The following DAB2IP variants were observed in gnomAD, a reference collection of about 807,000 sequenced individuals.
DAB2IP encodes DAB2 interacting protein, also known as disabled homolog 2-interacting protein.
Under a neutral mutation model 107.2 loss-of-function variants are expected in DAB2IP, and 28 were observed. That is an observed-to-expected ratio of 0.26 (90% CI 0.19 to 0.36). DAB2IP has a LOEUF of 0.36. DAB2IP is among the 10% of genes least tolerant of loss of function. The pLI is 1.00. For missense variants in DAB2IP, 1,400 were observed against 1,644.7 expected, an observed-to-expected ratio of 0.85 and a Z score of 2.57; for synonymous variants, 755 against 706.4, an observed-to-expected ratio of 1.07 and a Z score of -1.09.
intron 1 of DAB2IP, among the ~76,000 whole-genome samples, chr9:121,579,867 G>T (rs967940237): frequency 2.6e-5 from 4 of 152,198 alleles, no homozygotes; most frequent in African/African-American, 9.6e-5. Context: ...ACACAGTGGG[G>T]TATTAAGGAG....
At chr9:121,781,506 G>C in exon 15 of DAB2IP, 6 of 1,614,116 alleles carry the variant, frequency 3.7e-6, no homozygotes, top group Non-Finnish European at 5.1e-6. Flanking sequence ...ACCACGCAGA[G>C]ATGCAAGCGG....
rs1306261279 is a variant in DAB2IP, at chr9:121,699,381, G to A, written c.285G>A (p.Lys95=). 1.4e-6 allele frequency: 2 copies of A among 1,479,026 alleles called. No homozygotes were observed. The highest frequency in any genetic ancestry group is 4.1e-5 in the Admixed American group (2 of 48,806). 91.6% of individuals were successfully genotyped at this position (1,479,026 alleles called of 1,614,324 possible). ...TCAAGCGCACCAAGAGCCAGCCCAA[G>A]CTGGACCGCAACCACAGCTTCCGCC... Residue 95 remains lysine (K), a synonymous_variant, in exon 3 of 16, where the codon AAG becomes AAA. Coordinates refer to ENST00000408936, the Ensembl canonical transcript of DAB2IP. The surrounding 1 kb of genome is among the most constrained non-coding windows in gnomAD (Gnocchi z 6.2).
chr9:121,701,766 G>T lies in DAB2IP; in HGVS notation c.362+2308G>T, dbSNP rs1439858276. On this transcript the variant is annotated intron_variant, in intron 3 of 15. Transcript: ENST00000408936. This position sits in a 1 kb window ranked among gnomAD's most constrained non-coding sequence, Gnocchi z 4.7. Reference sequence around the variant, plus strand: ...AAAAACAACTATGGTGACCCCGCCCGCCCCCCAGCTCATGGCCAAACCTGG... The same window carrying T: ...AAAAACAACTATGGTGACCCCGCCCTCCCCCCAGCTCATGGCCAAACCTGG... 6.6e-6 allele frequency among the ~76,000 whole-genome samples: 1 copy of T among 152,106 alleles called. No individual in the cohort carries two copies. The highest frequency in any genetic ancestry group is 2.4e-5 in the African/African-American group (1 of 41,414).
intron 1 of DAB2IP, among the ~76,000 whole-genome samples, chr9:121,614,430 T>C (rs1831202170): frequency 7.0e-6 from 1 of 142,038 alleles, no homozygotes; most frequent in Admixed American, 7.8e-5. Context: ...AACCTCTGCC[T>C]CCTAGGTTCA....
intron 1 of DAB2IP, among the ~76,000 whole-genome samples, chr9:121,571,677 G>C (rs900413369): frequency 2.0e-5 from 3 of 152,020 alleles, no homozygotes; most frequent in South Asian, 2.1e-4. Flanking sequence ...AGGCTGAAAG[G>C]GTTCAGCCAT....
intron 3 of DAB2IP, among the ~76,000 whole-genome samples, chr9:121,753,386 C>T (rs1466131043): frequency 1.3e-5 from 2 of 152,232 alleles, no homozygotes; most frequent in Non-Finnish European, 2.9e-5. Flanking sequence ...GAGCTAGGCA[C>T]AGGGTCGGGA....
exon 9 of DAB2IP, chr9:121,766,572 T>C (rs909475619): frequency 1.2e-6 from 2 of 1,613,668 alleles, no homozygotes; most frequent in Non-Finnish European, 1.7e-6. Flanking sequence ...CGGACATCAG[T>C]GAGCGGCTCA....
intron 1 of DAB2IP, among the ~76,000 whole-genome samples, chr9:121,580,307 C>T (rs1462568491): frequency 3.9e-5 from 6 of 152,170 alleles, no homozygotes; most frequent in Non-Finnish European, 8.8e-5. Context: ...AACAGGCACT[C>T]AAGGCTACAG....
chr9:121,590,939 G>A lies in DAB2IP; in HGVS notation c.40+23711G>A, dbSNP rs192970837. 5.5e-4 allele frequency among the ~76,000 whole-genome samples: 84 copies of A among 152,322 alleles called. 3 individuals are homozygous for A. Among genetic ancestry groups the A allele is most frequent in the Admixed American group, 4.5e-3 (69 of 15,304 alleles). On this transcript the variant is annotated intron_variant, in intron 1 of 16. Transcript: ENST00000259371. Reference sequence around the variant, plus strand: ...CACCAACTGCAACGGACACCATAAAGGAAAGTGACTTGAGCCATGGGTGTG... The same window carrying A: ...CACCAACTGCAACGGACACCATAAAAGAAAGTGACTTGAGCCATGGGTGTG...
chr9:121,784,449 C>T (rs985753943), exon 16 of DAB2IP: 23 of 153,122 alleles, frequency 1.5e-4, no homozygotes, highest in Middle Eastern at 5.1e-3. Flanking sequence ...CCTGGACAGG[C>T]GGGCTCGGAG....
chr9:121,677,536 C>T (rs1342318305), intron 1 of DAB2IP, among the ~76,000 whole-genome samples: 2 of 152,090 alleles, frequency 1.3e-5, no homozygotes, highest in Non-Finnish European at 2.9e-5. Context: ...AAACAGAAAA[C>T]TTGAGAAGTC....
At chr9:121,677,271 C>T (rs1190185042) in intron 1 of DAB2IP, among the ~76,000 whole-genome samples, 2 of 152,184 alleles carry the variant, frequency 1.3e-5, no homozygotes, top group Non-Finnish European at 2.9e-5. Flanking sequence ...GTAATCCCAG[C>T]ACTTTGGGAG....
At chr9:121,766,447 G>A (rs769109349) in intron 8 of DAB2IP, 47 bp from the exon 9 acceptor site, 26 of 1,559,656 alleles carry the variant, frequency 1.7e-5, no homozygotes, top group Non-Finnish European at 2.3e-5. Flanking sequence ...CTCCTGTCCT[G>A]GGCCCCTGCC....
At chr9:121,703,552 C>T (rs1829894518) in intron 3 of DAB2IP, among the ~76,000 whole-genome samples, 1 of 152,178 alleles carries the variant, frequency 6.6e-6, no homozygotes, top group Non-Finnish European at 1.5e-5. Flanking sequence ...TGCTCATCTG[C>T]AGAATGGGCA....
chr9:121,595,611 A>G (rs1830514556), intron 1 of DAB2IP, among the ~76,000 whole-genome samples: 1 of 151,682 alleles, frequency 6.6e-6, no homozygotes, highest in Non-Finnish European at 1.5e-5. Context: ...TCAAAAAAAA[A>G]AAAAGAAAAG....
chr9:121,773,055 C>T (rs1322675852), exon 12 of DAB2IP: 2 of 1,612,566 alleles, frequency 1.2e-6, no homozygotes, highest in South Asian at 2.2e-5. Flanking sequence ...GCCGCTGTCA[C>T]CCCGTGGCCT....
intron 3 of DAB2IP, among the ~76,000 whole-genome samples, chr9:121,722,776 G>A (rs1217844136): frequency 1.3e-5 from 2 of 152,150 alleles, no homozygotes; most frequent in East Asian, 1.9e-4. Flanking sequence ...AGGAGTTTGA[G>A]TCTAGCCTGG....
At chr9:121,725,279 C>T (rs570870709) in intron 3 of DAB2IP, among the ~76,000 whole-genome samples, 1 of 152,312 alleles carries the variant, frequency 6.6e-6, no homozygotes, top group Non-Finnish European at 1.5e-5. Context: ...TCGACACAGC[C>T]ATTGTCAGGC....
At chr9:121,741,276 T>A (rs1281936810) in intron 3 of DAB2IP, among the ~76,000 whole-genome samples, 1 of 151,858 alleles carries the variant, frequency 6.6e-6, no homozygotes, top group African/African-American at 2.4e-5. Flanking sequence ...GCGTGTAGGG[T>A]GGCCCTATGG....
Sources: gnomAD v4.1 joint callset for allele counts (sites outside exome capture counted in the v4.1 genomes callset) on GRCh38, gnomAD v4.1.1 for gene constraint, Gnocchi (gnomAD v3.1) non-coding constraint, MANE v1.5 for transcripts, NCBI Gene and HGNC (gene_info 2026-07-23, HGNC 2026-07-21) for gene names.